The following DNAJC10 variants were observed in gnomAD, a reference collection of about 807,000 sequenced individuals.
The protein encoded by DNAJC10 is DnaJ heat shock protein family (Hsp40) member C10.
A neutral mutation model predicts 115.0 loss-of-function variants in DNAJC10; 101 were observed. That is an observed-to-expected ratio of 0.88 (90% CI 0.75 to 1.04). DNAJC10 has a LOEUF of 1.04. DNAJC10 is among the 50% of genes least tolerant of loss of function. The probability of loss-of-function intolerance (pLI) is 0.00; values close to 1 mark genes in which losing one functional copy is unlikely to be tolerated. For missense variants in DNAJC10, 981 were observed against 928.8 expected (o/e 1.06, Z -0.73); for synonymous variants, 307 against 301.5 (o/e 1.02, Z -0.19).
At chr2:182,776,863 A>G (rs759021641) in intron 23 of DNAJC10, among the ~76,000 whole-genome samples, 1 of 152,234 alleles carries the variant, frequency 6.6e-6, no homozygotes, top group Admixed American at 6.5e-5. Flanking sequence ...ATTAAGTTAA[A>G]GAGAATACCC....
intron 22 of DNAJC10, among the ~76,000 whole-genome samples, chr2:182,764,742 G>T (rs1183444186): frequency 6.6e-6 from 1 of 152,064 alleles, no homozygotes; most frequent in Non-Finnish European, 1.5e-5. Flanking sequence ...AGTTGCCACC[G>T]CTAGTAATAT....
chr2:182,753,590 T>G lies in DNAJC10; in HGVS notation c.1551+1402T>G, dbSNP rs190873502. Among the ~76,000 whole-genome samples, 341 of 141,550 alleles carry G rather than the reference T, an allele frequency of 2.4e-3. 5 individuals are homozygous for G. The highest frequency in any genetic ancestry group is 8.6e-3 in the African/African-American group (328 of 38,164). The allele number at this position is 141,550 out of a possible 152,430, so 92.9% of individuals were successfully genotyped here. On this transcript the variant is annotated intron_variant, in intron 16 of 23. Coordinates refer to ENST00000264065, the MANE Select transcript of DNAJC10 (RefSeq NM_018981.4). The stretch of plus-strand genomic sequence containing the variant: ...ATTTCTTTAGTTTAGTTTTTTTTTT[T>G]TTTTTTTTTTGAGACAGAGTCTTGC...
intron 22 of DNAJC10, among the ~76,000 whole-genome samples, chr2:182,773,309 C>T (rs570024849): frequency 6.6e-6 from 1 of 152,162 alleles, no homozygotes; most frequent in Admixed American, 6.5e-5. Flanking sequence ...AATTATGTGT[C>T]TTGGGGTTGC....
At chr2:182,769,053 C>T (rs1243925039) in intron 22 of DNAJC10, among the ~76,000 whole-genome samples, 1 of 152,118 alleles carries the variant, frequency 6.6e-6, no homozygotes, top group Non-Finnish European at 1.5e-5. Context: ...TCAATTCCCA[C>T]CTGTGAGTGA....
intron 5 of DNAJC10, among the ~76,000 whole-genome samples, chr2:182,723,438 T>C (rs534781679): frequency 6.6e-6 from 1 of 152,342 alleles, no homozygotes; most frequent in East Asian, 1.9e-4. Context: ...AAAAGCCTTC[T>C]AGGTGAACAC....
rs536048813 is a variant in DNAJC10, at chr2:182,749,057, A to C, written c.1307-2601A>C. Among the ~76,000 whole-genome samples the C allele has an allele frequency of 3.9e-5, 6 of 152,178 alleles. No individual in the cohort carries two copies. In the South Asian group the frequency reaches 1.2e-3, roughly 32 times the overall value. On this transcript the variant is annotated intron_variant, in intron 14 of 23. Transcript: ENST00000264065. ...AATTTCTATTCTTTTACATTTGCTGAGGAGAGCTTTACTTCCAAGGGTGTG... is the reference window on the plus strand; with the variant it reads ...AATTTCTATTCTTTTACATTTGCTGCGGAGAGCTTTACTTCCAAGGGTGTG...
intron 22 of DNAJC10, among the ~76,000 whole-genome samples, chr2:182,764,029 A>G (rs573879522): frequency 6.6e-6 from 1 of 152,176 alleles, no homozygotes; most frequent in Admixed American, 6.6e-5. Flanking sequence ...TGTTCAATTT[A>G]CACTCAAGAG....
At chr2:182,743,762 A>G in intron 14 of DNAJC10, 50 bp downstream of exon 14, 2 of 1,309,302 alleles carry the variant, frequency 1.5e-6, no homozygotes, top group South Asian at 2.5e-5. Flanking sequence ...ATTTTCAAAT[A>G]GAAGTTTTCT....
chr2:182,723,324 G>A (rs1693202016), intron 5 of DNAJC10, among the ~76,000 whole-genome samples: 1 of 151,914 alleles, frequency 6.6e-6, no homozygotes, highest in South Asian at 2.1e-4. Flanking sequence ...AGGATTACAG[G>A]CATGAGCCAC....
intron 7 of DNAJC10, 80 bp from the exon 8 acceptor site, chr2:182,729,768 A>G (rs1693392908): frequency 2.2e-6 from 2 of 892,376 alleles, no homozygotes; most frequent in Non-Finnish European, 3.5e-6. Context: ...TAATGTAAAA[A>G]TCAAACTCTT....
intron 3 of DNAJC10, among the ~76,000 whole-genome samples, chr2:182,718,510 G>C (rs1693058453): frequency 6.6e-6 from 1 of 152,132 alleles, no homozygotes; most frequent in Non-Finnish European, 1.5e-5. Flanking sequence ...TTAATTTGTA[G>C]ACGATTTTCC....
intron 21 of DNAJC10, among the ~76,000 whole-genome samples, chr2:182,762,304 C>A (rs1274449524): frequency 6.6e-6 from 1 of 152,032 alleles, no homozygotes; most frequent in Non-Finnish European, 1.5e-5. Context: ...TGGAGTAAGT[C>A]AGCCTTCACG....
chr2:182,742,910 G>A (rs577915247), intron 13 of DNAJC10, among the ~76,000 whole-genome samples: 13 of 151,352 alleles, frequency 8.6e-5, no homozygotes, highest in East Asian at 2.0e-4. Flanking sequence ...GCAGTGGTGC[G>A]ATCTCGGCTC....
Position 182,717,074 on chromosome 2 carries a change from T to C in DNAJC10, c.-147+2T>C, listed in dbSNP as rs939057629. Reference sequence around the variant, plus strand: ...AAATGAGCTGAAGACCATTCACAGGTAAAGAGAAAAATTTTTAAATATACA... The same window carrying C: ...AAATGAGCTGAAGACCATTCACAGGCAAAGAGAAAAATTTTTAAATATACA... On this transcript the variant is annotated splice_donor_variant, in intron 2 of 23. Transcript: ENST00000264065. LOFTEE classifies it low-confidence loss of function (5UTR_SPLICE). 3 of 152,176 alleles carry C rather than the reference T, an allele frequency of 2.0e-5. No individual in the cohort carries two copies. Among genetic ancestry groups the C allele is most frequent in the Non-Finnish European group, 4.4e-5 (3 of 68,022 alleles). 9.4% of individuals were successfully genotyped at this position (152,176 alleles called of 1,614,324 possible).
Position 182,778,556 on chromosome 2 carries a change from TTTTTC to T in DNAJC10, c.*1430_*1434del, listed in dbSNP as rs897782962. 1 of 130,332 alleles carries T rather than the reference TTTTTC, an allele frequency of 7.7e-6. No homozygotes were observed. The highest frequency in any genetic ancestry group is 7.8e-5 in the Admixed American group (1 of 12,898). The allele number at this position is 130,332 out of a possible 1,614,324, so 8.1% of individuals were successfully genotyped here. A position where few individuals can be genotyped will look rare whatever the true frequency, so the allele number is the denominator to read the frequency against. ...TATTGTGTTTTGAGGAGTTTTCCTT[TTTTTC>T]TTTTCAATATCACTTTATCCTGCTC... On this transcript the variant is annotated 3_prime_UTR_variant, in exon 24 of 24. Coordinates refer to ENST00000264065, the MANE Select transcript of DNAJC10 (RefSeq NM_018981.4).
chr2:182,723,220 A>G (rs1186321978), intron 5 of DNAJC10, among the ~76,000 whole-genome samples: 1 of 151,802 alleles, frequency 6.6e-6, no homozygotes, highest in Non-Finnish European at 1.5e-5. Context: ...TTGTATTTGT[A>G]TTTTTAGTAG....
chr2:182,788,215 A>AC lies in DNAJC10; in HGVS notation c.*11087dup, dbSNP rs1694984872. The AC allele has an allele frequency of 6.4e-6, 1 of 155,392 alleles. No homozygotes were observed. The highest frequency in any genetic ancestry group is 1.4e-5 in the Non-Finnish European group (1 of 70,346). The allele number at this position is 155,392 out of a possible 1,614,324, so 9.6% of individuals were successfully genotyped here. A position where few individuals can be genotyped will look rare whatever the true frequency, so the allele number is the denominator to read the frequency against. ...CCATGGAGTGGGATTCAAGAAGCAT[A>AC]CCCCTCAGAGCACTCAAAGAGATCC... On this transcript the variant is annotated 3_prime_UTR_variant, in exon 24 of 24. Transcript: ENST00000264065.
intron 22 of DNAJC10, among the ~76,000 whole-genome samples, chr2:182,768,422 G>T (rs1288675459): frequency 3.3e-5 from 5 of 152,114 alleles, no homozygotes; most frequent in Non-Finnish European, 5.9e-5. Context: ...GTGTCCAGAG[G>T]AGTCCAGGGG....
At chr2:182,766,125 A>G (rs530351698) in intron 22 of DNAJC10, among the ~76,000 whole-genome samples, 2 of 152,340 alleles carry the variant, frequency 1.3e-5, no homozygotes, top group African/African-American at 4.8e-5. Flanking sequence ...GCTGTTGGCA[A>G]TCAGGACAAG....
Sources: gnomAD v4.1 joint callset for allele counts (sites outside exome capture counted in the v4.1 genomes callset) on GRCh38, gnomAD v4.1.1 for gene constraint, MANE v1.5 for transcripts, NCBI Gene and HGNC (gene_info 2026-07-23, HGNC 2026-07-21) for gene names.